Variants in RASAL2 observed in about 807,000 individuals in gnomAD.
The protein encoded by RASAL2 is RAS protein activator like 2.
A neutral mutation model predicts 128.9 loss-of-function variants in RASAL2; 58 were observed. That is an observed-to-expected ratio of 0.45 (90% CI 0.36 to 0.56). The LOEUF is 0.56. Among genes scored for constraint, RASAL2 ranks in the 20% least tolerant of loss-of-function variants. The pLI is 0.00. For synonymous variants in RASAL2, 561 were observed against 580.8 expected (o/e 0.97, Z 0.49); for missense variants, 1,360 against 1,601.6 (o/e 0.85, Z 2.57).
chr1:178,298,748 G>A (rs1667626510), intron 2 of RASAL2, among the ~76,000 whole-genome samples: 1 of 152,090 alleles, frequency 6.6e-6, no homozygotes, highest in Non-Finnish European at 1.5e-5. Flanking sequence ...TAAGAACTCA[G>A]TGTTTCATTA....
intron 3 of RASAL2, among the ~76,000 whole-genome samples, chr1:178,344,500 AG>A (rs1372573060): frequency 6.6e-6 from 1 of 152,208 alleles, no homozygotes; most frequent in Non-Finnish European, 1.5e-5. Flanking sequence ...AGACTCCAAG[AG>A]TCCTTTTATG....
intron 1 of RASAL2, among the ~76,000 whole-genome samples, chr1:178,101,502 C>T (rs557008422): frequency 5.3e-5 from 8 of 152,240 alleles, no homozygotes; most frequent in African/African-American, 1.9e-4. Flanking sequence ...ACCTCCATCC[C>T]TGAGTCTAAG....
chr1:178,112,607 G>A lies in RASAL2; in HGVS notation c.202+17913G>A, dbSNP rs987409798. On this transcript the variant is annotated intron_variant, in intron 1 of 17. Transcript: ENST00000367649. The stretch of plus-strand genomic sequence containing the variant: ...ATGAGTTCATGTCCTTTGTAGGGAC[G>A]TGGATGAAATTGGAAATCATCATTC... Among the ~76,000 whole-genome samples, 8 of 151,698 alleles carry A rather than the reference G, an allele frequency of 5.3e-5. No individual in the cohort carries two copies. The East Asian group carries it at 9.7e-4, about 18-fold the overall frequency.
chr1:178,413,314 C>T (rs145744680), intron 4 of RASAL2, among the ~76,000 whole-genome samples: 3 of 152,310 alleles, frequency 2.0e-5, no homozygotes, highest in Admixed American at 6.5e-5. Flanking sequence ...CAGAGCCTAA[C>T]TGATCAGAAG....
At chr1:178,405,004 A>G (rs991574230) in intron 4 of RASAL2, among the ~76,000 whole-genome samples, 1 of 152,170 alleles carries the variant, frequency 6.6e-6, no homozygotes, top group Non-Finnish European at 1.5e-5. Context: ...TTTTAAAACA[A>G]CATAGAAATA....
rs185715667 is a variant in RASAL2, at chr1:178,458,222, A to T, written c.2930A>T (p.Lys977Ile). ...PSNSSMEDFTKRSTQSEDFSR... is the reference protein window; with the variant it reads ...PSNSSMEDFTIRSTQSEDFSR... Reference sequence around the variant, plus strand: ...AATAGCAGCATGGAAGATTTCACTAAACGTAGCACTCAGAGTGAGGACTTC... The same window carrying T: ...AATAGCAGCATGGAAGATTTCACTATACGTAGCACTCAGAGTGAGGACTTC... Residue 977 changes from lysine (K) to isoleucine (I), a missense_variant, in exon 14 of 18, where the codon AAA (lysine) becomes ATA (isoleucine). Around this residue, in one of 3 missense-constraint regions of RASAL2, gnomAD observed 741 missense variants for 868.6 expected, o/e 0.85. Coordinates refer to ENST00000367649, the MANE Select transcript of RASAL2 (RefSeq NM_170692.4). 1 of 1,614,274 alleles carries T rather than the reference A, an allele frequency of 6.2e-7. No homozygotes were observed. Among genetic ancestry groups the T allele is most frequent in the Admixed American group, 1.7e-5 (1 of 60,034 alleles).
intron 4 of RASAL2, among the ~76,000 whole-genome samples, chr1:178,401,504 G>T (rs529088284): frequency 2.0e-5 from 3 of 152,124 alleles, no homozygotes; most frequent in Admixed American, 6.5e-5. Flanking sequence ...GCTGGGCCTG[G>T]TGGTACATGC....
intron 5 of RASAL2, among the ~76,000 whole-genome samples, chr1:178,434,791 T>C (rs575390813): frequency 6.6e-5 from 10 of 151,956 alleles, no homozygotes; most frequent in East Asian, 1.9e-4. Context: ...TTTAAAATTA[T>C]AATACAAGAA....
intron 1 of RASAL2, among the ~76,000 whole-genome samples, chr1:178,210,222 A>G (rs1663206418): frequency 6.6e-6 from 1 of 152,030 alleles, no homozygotes; most frequent in African/African-American, 2.4e-5. Flanking sequence ...ATCTACTTTG[A>G]CACTTTATAA....
intron 3 of RASAL2, among the ~76,000 whole-genome samples, chr1:178,332,672 C>T (rs1011880311): frequency 8.1e-5 from 12 of 147,898 alleles, no homozygotes; most frequent in African/African-American, 2.2e-4. Context: ...AGTGCGGTGG[C>T]GCGATCTTGG....
intron 1 of RASAL2, among the ~76,000 whole-genome samples, chr1:178,151,353 C>T (rs1170693143): frequency 6.6e-6 from 1 of 151,962 alleles, no homozygotes. Context: ...TGCAGTGAGC[C>T]GAGATCGCAC....
intron 3 of RASAL2, among the ~76,000 whole-genome samples, chr1:178,339,683 A>G (rs1451805588): frequency 6.6e-6 from 1 of 152,180 alleles, no homozygotes; most frequent in Non-Finnish European, 1.5e-5. Context: ...AATAGTCACT[A>G]TGTTATAATT....
At chr1:178,150,005 C>T (rs1160044408) in intron 1 of RASAL2, among the ~76,000 whole-genome samples, 1 of 152,086 alleles carries the variant, frequency 6.6e-6, no homozygotes, top group Admixed American at 6.6e-5. Flanking sequence ...TCTACTTTTT[C>T]CACTTTTAAA....
chr1:178,449,812 C>T (rs1236170114), intron 9 of RASAL2, among the ~76,000 whole-genome samples: 2 of 151,940 alleles, frequency 1.3e-5, no homozygotes, highest in Non-Finnish European at 2.9e-5. Context: ...CTTCTGGGCC[C>T]TGGAGTTATT....
chr1:178,195,173 A>T (rs929170261), intron 1 of RASAL2, among the ~76,000 whole-genome samples: 4 of 152,224 alleles, frequency 2.6e-5, no homozygotes, highest in Non-Finnish European at 4.4e-5. Flanking sequence ...AAAGGCAGTC[A>T]ACTAGACAGG....
chr1:178,132,766 A>ATTTTTT (rs35326037), intron 1 of RASAL2, among the ~76,000 whole-genome samples: 1 of 130,062 alleles, frequency 7.7e-6, no homozygotes, highest in Admixed American at 7.9e-5. Context: ...ACAATTCAGA[A>ATTTTTT]TTTTTTTTTT....
chr1:178,399,235 A>G (rs1673457099), intron 4 of RASAL2, among the ~76,000 whole-genome samples: 1 of 152,104 alleles, frequency 6.6e-6, no homozygotes, highest in Non-Finnish European at 1.5e-5. Context: ...CCTTTGCACA[A>G]GTGTGAGAAA....
chr1:178,237,518 A>G (rs541749148), intron 1 of RASAL2, among the ~76,000 whole-genome samples: 52 of 152,282 alleles, frequency 3.4e-4, no homozygotes, highest in Non-Finnish European at 6.5e-4. Flanking sequence ...CAGTCTAACC[A>G]GTGTCTGTTA....
At chr1:178,124,836 A>G (rs1659840043) in intron 1 of RASAL2, among the ~76,000 whole-genome samples, 1 of 152,162 alleles carries the variant, frequency 6.6e-6, no homozygotes, top group Non-Finnish European at 1.5e-5. Context: ...TGGTTTTTTA[A>G]AAAAACACAT....
Sources: allele counts gnomAD v4.1 joint callset (sites outside exome capture counted in the v4.1 genomes callset), GRCh38; gene constraint gnomAD v4.1.1; regional missense constraint gnomAD v4.1.1; transcripts MANE v1.5; gene names NCBI Gene and HGNC (gene_info 2026-07-23, HGNC 2026-07-21).